The following MYLK2 variants were observed in gnomAD, a reference collection of about 807,000 sequenced individuals.
The protein encoded by MYLK2 is myosin light chain kinase 2, skeletal/cardiac muscle.
Under a neutral mutation model 58.2 loss-of-function variants are expected in MYLK2, and 27 were observed. The ratio of observed to expected loss-of-function variants is 0.46; its 90% confidence interval spans 0.34 to 0.64. The LOEUF (loss-of-function observed/expected upper bound fraction) is 0.64. Ranked by LOEUF, MYLK2 falls within the 30% of genes least tolerant of loss-of-function variation. MYLK2 has a pLI of 0.01. For synonymous variants in MYLK2, 310 were observed against 296.7 expected (o/e 1.04, Z -0.46); for missense variants, 676 against 764.3 (o/e 0.88, Z 1.36).
At chr20:31,828,128 T>G in intron 8 of MYLK2, 1 of 953,036 alleles carries the variant, frequency 1.0e-6, no homozygotes, top group Non-Finnish European at 1.2e-6. Context: ...CCTCAGGTGA[T>G]CTGCCTGCCT....
chr20:31,828,216 C>T, intron 8 of MYLK2: 1 of 985,348 alleles, frequency 1.0e-6, no homozygotes, highest in Non-Finnish European at 1.2e-6. Flanking sequence ...TGCAGCAACT[C>T]CAGTCAGTTG....
intron 4 of MYLK2, among the ~76,000 whole-genome samples, chr20:31,822,436 G>A (rs894325855): frequency 7.2e-5 from 11 of 152,232 alleles, no homozygotes; most frequent in African/African-American, 2.7e-4. Flanking sequence ...TGTGGGAGCA[G>A]TGACCAAGGA....
chr20:31,824,562 G>A, intron 6 of MYLK2: 1 of 985,416 alleles, frequency 1.0e-6, no homozygotes, highest in South Asian at 4.7e-5. Flanking sequence ...TTCAGTTAGT[G>A]AACTTATCTG....
chr20:31,829,284 A>T (rs2062294188), intron 8 of MYLK2, among the ~76,000 whole-genome samples: 1 of 152,118 alleles, frequency 6.6e-6, no homozygotes, highest in South Asian at 2.1e-4. Context: ...TTTCACGGTC[A>T]AGTAGGTTGA....
chr20:31,824,376 G>A (rs1017442672), intron 6 of MYLK2, 24 bp downstream of exon 6: 2 of 1,597,498 alleles, frequency 1.3e-6, no homozygotes, highest in Admixed American at 1.7e-5. Flanking sequence ...GGGGGTGGTG[G>A]CTGCCCAGGA....
chr20:31,827,945 T>C (rs1568632692), intron 8 of MYLK2, among the ~76,000 whole-genome samples: 1 of 137,810 alleles, frequency 7.3e-6, no homozygotes, highest in Non-Finnish European at 1.5e-5. Flanking sequence ...TGGAGTGCAG[T>C]GGTGTGATCT....
At chr20:31,821,838 TGAGCCAAGCCTTACCC>T in intron 4 of MYLK2, 101 bp downstream of exon 4, 1 of 1,207,372 alleles carries the variant, frequency 8.3e-7, no homozygotes, top group Admixed American at 2.6e-5. Flanking sequence ...TGAACTGCCC[TGAGCCAAGCCTTACCC>T]AGGCCCATTC....
rs558074908 is a variant in MYLK2 at position 31,825,514 on chromosome 20, T to C, written c.973-1091T>C. On this transcript the variant is annotated intron_variant, in intron 6 of 12. Coordinates refer to ENST00000375985, the MANE Select transcript of MYLK2 (RefSeq NM_033118.4). ...AGTGGAGGGAGAGACAACTAAAACA[T>C]AAAGCAAAAAGAAAAAAGAAAAGAA... Among the ~76,000 whole-genome samples the C allele has an allele frequency of 2.0e-5, 3 of 151,038 alleles. No individual in the cohort carries two copies. The East Asian group carries it at 5.8e-4, about 29-fold the overall frequency.
At chr20:31,827,275 T>C (rs1440947276) in intron 8 of MYLK2, 2 of 985,394 alleles carry the variant, frequency 2.0e-6, no homozygotes, top group Non-Finnish European at 2.4e-6. Context: ...AGTGTTGCAA[T>C]AGCACCTGCC....
Position 31,828,483 on chromosome 20 carries a change from A to G in MYLK2, c.1224+1545A>G, listed in dbSNP as rs2062290851. On this transcript the variant is annotated intron_variant, in intron 8 of 12. Coordinates refer to ENST00000375985, the MANE Select transcript of MYLK2 (RefSeq NM_033118.4). ...CACGTGCTGGGTACCTGCTCCTGGA[A>G]GGCCCCGTGCTAGGCATAGGGACTG... 16 of 984,876 alleles carry G rather than the reference A, an allele frequency of 1.6e-5. No homozygotes were observed. In the South Asian group the frequency reaches 4.2e-4, roughly 26 times the overall value. 61.0% of individuals were successfully genotyped at this position (984,876 alleles called of 1,614,324 possible).
intron 8 of MYLK2, chr20:31,828,062 A>G: frequency 2.3e-6 from 1 of 430,416 alleles, no homozygotes; most frequent in Non-Finnish European, 3.1e-6. Flanking sequence ...TAATTTTTGT[A>G]TTTTTAGTGG....
At chr20:31,832,325 C>T (rs1028655058) in intron 12 of MYLK2, among the ~76,000 whole-genome samples, 189 bp downstream of exon 12, 1 of 152,128 alleles carries the variant, frequency 6.6e-6, no homozygotes, top group African/African-American at 2.4e-5. Context: ...GACCTCTACC[C>T]GGCCTTCCAC....
At chr20:31,827,343 A>C (rs746167157) in intron 8 of MYLK2, 8 of 985,100 alleles carry the variant, frequency 8.1e-6, no homozygotes, top group Non-Finnish European at 9.6e-6. Context: ...AAAAGCAACA[A>C]ATATTTCTTG....
chr20:31,823,968 G>A, intron 5 of MYLK2: 1 of 985,274 alleles, frequency 1.0e-6, no homozygotes, highest in Non-Finnish European at 1.2e-6. Context: ...CCCAGGGCCT[G>A]CCTGCCCTAA....
In MYLK2 at chr20:31,834,265, A is replaced by C. The variant is rs1392959557; in HGVS notation, c.*468A>C. 1 of 187,706 alleles carries C rather than the reference A, an allele frequency of 5.3e-6. No homozygotes were observed. Among genetic ancestry groups the C allele is most frequent in the Non-Finnish European group, 1.1e-5 (1 of 87,028 alleles). 11.6% of individuals were successfully genotyped at this position (187,706 alleles called of 1,614,324 possible). On this transcript the variant is annotated 3_prime_UTR_variant, in exon 13 of 13. Transcript: ENST00000375985. ...GCTCCTGGTGGGGCAGAAAGGCTGC[A>C]ACGCTGATTCCTAAGGCCCAGCTGC... is the stretch of plus-strand genomic sequence containing the variant.
At chr20:31,831,382 C>G (rs1568634819) in intron 10 of MYLK2, among the ~76,000 whole-genome samples, 1 of 151,992 alleles carries the variant, frequency 6.6e-6, no homozygotes, top group African/African-American at 2.4e-5. Context: ...TCTCGGATGA[C>G]CTGGGGCGGG....
At chr20:31,831,946 G>A (rs1362889750) in intron 11 of MYLK2, 58 bp from the exon 12 acceptor site, 1 of 1,612,834 alleles carries the variant, frequency 6.2e-7, no homozygotes, top group East Asian at 2.2e-5. Flanking sequence ...GAGGCCAGCT[G>A]AGCCCCTGGG....
At chr20:31,831,174 T>C in intron 10 of MYLK2, 33 bp downstream of exon 10, 1 of 1,613,278 alleles carries the variant, frequency 6.2e-7, no homozygotes, top group East Asian at 2.2e-5. Context: ...TTTATGGGGT[T>C]GGTGGGGCAT....
chr20:31,829,923 C>T, intron 8 of MYLK2, among the ~76,000 whole-genome samples: 1 of 152,152 alleles, frequency 6.6e-6, no homozygotes, highest in South Asian at 2.1e-4. Flanking sequence ...CTACTGGGTG[C>T]CTTTGTTAGA....
Sources: gnomAD v4.1 joint callset for allele counts (sites outside exome capture counted in the v4.1 genomes callset) on GRCh38, gnomAD v4.1.1 for gene constraint, MANE v1.5 for transcripts, NCBI Gene and HGNC (gene_info 2026-07-23, HGNC 2026-07-21) for gene names.